Variants in EFCAB11 observed in about 807,000 individuals in gnomAD.
EFCAB11 encodes the protein EF-hand calcium-binding domain-containing protein 11.
EFCAB11 carries 14 observed loss-of-function variants against 23.0 expected under a neutral mutation model. The observed-to-expected ratio is 0.61, with a 90% CI of 0.40 to 0.95. The LOEUF (loss-of-function observed/expected upper bound fraction) is 0.95, where lower values mean the gene tolerates loss of function less well. Ranked by LOEUF, EFCAB11 falls within the 40% of genes least tolerant of loss-of-function variation. The pLI, the probability that EFCAB11 is intolerant of heterozygous loss-of-function variation, is 0.00. For missense variants in EFCAB11, 198 were observed against 195.8 expected (o/e 1.01, Z -0.07); for synonymous variants, 65 against 66.6 (o/e 0.98, Z 0.11).
At chr14:89,945,928 T>A (rs942585177) in intron 3 of EFCAB11, among the ~76,000 whole-genome samples, 7 of 151,474 alleles carry the variant, frequency 4.6e-5, no homozygotes, top group African/African-American at 1.5e-4. Context: ...TTTTTTTATT[T>A]TTTTTTTTGA....
intron 5 of EFCAB11, among the ~76,000 whole-genome samples, chr14:89,909,380 C>A (rs1889592289): frequency 6.6e-6 from 1 of 152,150 alleles, no homozygotes. Context: ...GAGTTTGAGA[C>A]CAGCCTGGCC....
At chr14:89,932,325 T>C (rs1890418291) in intron 4 of EFCAB11, among the ~76,000 whole-genome samples, 1 of 152,194 alleles carries the variant, frequency 6.6e-6, no homozygotes, top group South Asian at 2.1e-4. Flanking sequence ...TATATAACTG[T>C]AAATACTATT....
intron 5 of EFCAB11, among the ~76,000 whole-genome samples, chr14:89,867,553 A>G (rs188562048): frequency 3.7e-4 from 57 of 152,324 alleles, no homozygotes; most frequent in African/African-American, 1.1e-3. Context: ...TGCAGCCCCA[A>G]CGCAACTGCC....
chr14:89,880,130 A>C (rs906160792), intron 5 of EFCAB11, among the ~76,000 whole-genome samples: 1 of 152,148 alleles, frequency 6.6e-6, no homozygotes, highest in African/African-American at 2.4e-5. Flanking sequence ...CCTAAAATTC[A>C]TATGTTGAAA....
At chr14:89,801,041 GA>G (rs1197084827) in intron 5 of EFCAB11, among the ~76,000 whole-genome samples, 4,003 of 58,494 alleles carry the variant, frequency 0.068, 169 homozygotes, top group African/African-American at 0.17. Context: ...CCTCAAAAAA[GA>G]AAAAAAAAAA....
intron 5 of EFCAB11, chr14:89,924,321 T>C: frequency 9.3e-7 from 1 of 1,073,550 alleles, no homozygotes; most frequent in Non-Finnish European, 1.1e-6. Flanking sequence ...ATGGGAGCAT[T>C]TGGTGCCTCG....
In EFCAB11 at chr14:89,929,531, G is replaced by A. The variant is rs1324332581; in HGVS notation, c.410+2010C>T. On this transcript the variant is annotated intron_variant, in intron 5 of 5. Transcript: ENST00000316738. ...CTTCCCGAGTAGCTGGGACTACAGCGCATGCCACCATGCCCAGCTAATTTT... is the reference window on the plus strand; with the variant it reads ...CTTCCCGAGTAGCTGGGACTACAGCACATGCCACCATGCCCAGCTAATTTT... Among the ~76,000 whole-genome samples, 10 of 152,112 alleles carry A rather than the reference G, an allele frequency of 6.6e-5. No homozygotes were observed. The South Asian group carries it at 8.3e-4, about 13-fold the overall frequency.
intron 5 of EFCAB11, among the ~76,000 whole-genome samples, chr14:89,868,145 C>G (rs1888155305): frequency 6.6e-6 from 1 of 152,168 alleles, no homozygotes; most frequent in Non-Finnish European, 1.5e-5. Flanking sequence ...GGGGAAAACC[C>G]TGAACTAAGC....
chr14:89,836,535 C>T (rs1249790043), intron 5 of EFCAB11: 1 of 456,550 alleles, frequency 2.2e-6, no homozygotes, highest in Non-Finnish European at 4.4e-6. Flanking sequence ...GGCTCTTCAC[C>T]ATGGGGAGCA....
chr14:89,932,659 G>C, intron 3 of EFCAB11, 32 bp from the exon 4 acceptor site: 1 of 1,521,830 alleles, frequency 6.6e-7, no homozygotes, highest in Non-Finnish European at 9.1e-7. Context: ...ATTTGTCAAA[G>C]ATTATTGTCT....
At chr14:89,858,149 T>C (rs906231668) in intron 5 of EFCAB11, among the ~76,000 whole-genome samples, 6 of 152,178 alleles carry the variant, frequency 3.9e-5, no homozygotes, top group African/African-American at 1.4e-4. Flanking sequence ...CTCTAGGCTC[T>C]CCCTCTCCTG....
At chr14:89,928,965 CAAT>C (rs1890288258) in intron 5 of EFCAB11, among the ~76,000 whole-genome samples, 1 of 146,334 alleles carries the variant, frequency 6.8e-6, no homozygotes, top group African/African-American at 2.5e-5. Flanking sequence ...ATATATAATT[CAAT>C]AGCTTTAATA....
Position 89,880,159 on chromosome 14 carries a change from G to A in EFCAB11, c.410+51382C>T, listed in dbSNP as rs144321970. Among the ~76,000 whole-genome samples, 797 of 152,258 alleles carry A rather than the reference G, an allele frequency of 5.2e-3. 3 individuals are homozygous for A. The highest frequency in any genetic ancestry group is 8.1e-3 in the Admixed American group (124 of 15,288). On this transcript the variant is annotated intron_variant, in intron 5 of 5. Coordinates refer to ENST00000316738, the MANE Select transcript of EFCAB11 (RefSeq NM_145231.4). ...GTTGAAACCTAATAACCAATGTGATGGTATTAGAAGGTGGGGCCTTCATAA... is the reference window on the plus strand; with the variant it reads ...GTTGAAACCTAATAACCAATGTGATAGTATTAGAAGGTGGGGCCTTCATAA...
chr14:89,821,711 C>T (rs1054986940), intron 5 of EFCAB11, among the ~76,000 whole-genome samples: 9 of 152,136 alleles, frequency 5.9e-5, no homozygotes, highest in Non-Finnish European at 1.2e-4. Context: ...GATGGAGGTG[C>T]GGGAGAGGGA....
intron 5 of EFCAB11, among the ~76,000 whole-genome samples, chr14:89,896,867 G>C (rs750950994): frequency 2.6e-4 from 40 of 152,082 alleles, no homozygotes; most frequent in Admixed American, 2.6e-3. Context: ...AGGGCTATAT[G>C]TATGTGCCAC....
intron 5 of EFCAB11, among the ~76,000 whole-genome samples, chr14:89,816,039 T>G (rs976674523): frequency 6.6e-6 from 1 of 152,230 alleles, no homozygotes; most frequent in African/African-American, 2.4e-5. Flanking sequence ...CTATTTTTTG[T>G]GTGTCCTCTT....
At chr14:89,822,505 C>T (rs1310332883) in intron 5 of EFCAB11, among the ~76,000 whole-genome samples, 1 of 152,178 alleles carries the variant, frequency 6.6e-6, no homozygotes, top group Non-Finnish European at 1.5e-5. Flanking sequence ...CCACCCTTGG[C>T]ACTCCACTGG....
At chr14:89,917,171 C>T (rs1269157551) in intron 5 of EFCAB11, among the ~76,000 whole-genome samples, 1 of 151,222 alleles carries the variant, frequency 6.6e-6, no homozygotes, top group Non-Finnish European at 1.5e-5. Flanking sequence ...ACTATAGTTA[C>T]CATGCTGTAC....
At chr14:89,825,502 T>TTAACTG (rs1886660153) in intron 5 of EFCAB11, among the ~76,000 whole-genome samples, 1 of 151,342 alleles carries the variant, frequency 6.6e-6, no homozygotes. Flanking sequence ...AACTGGAAAA[T>TTAACTG]GAAAAAATCA....
Sources: gnomAD v4.1 joint callset for allele counts (sites outside exome capture counted in the v4.1 genomes callset) on GRCh38, gnomAD v4.1.1 for gene constraint, MANE v1.5 for transcripts, NCBI Gene and HGNC (gene_info 2026-07-23, HGNC 2026-07-21) for gene names.